Variants in FAM185A observed in about 807,000 individuals in gnomAD.
FAM185A encodes family with sequence similarity 185 member A.
In FAM185A, 21 loss-of-function variants were observed where a neutral mutation model predicts 45.7. The observed-to-expected ratio is 0.46, with a 90% CI of 0.33 to 0.66. The LOEUF is 0.66. FAM185A is among the 30% of genes least tolerant of loss of function. FAM185A has a pLI of 0.03. For synonymous variants in FAM185A, 117 were observed against 194.0 expected (o/e 0.60, Z 3.30); for missense variants, 305 against 485.4 (o/e 0.63, Z 3.49).
chr7:102,787,411 A>C lies in FAM185A; in HGVS notation c.1008A>C (p.Ser336=). Reference sequence around the variant, plus strand: ...CAGGGAAAGAGGTTGATGTGAACTCAGAAGTCCATGTTCAGGAAATGGCTG... The same window carrying C: ...CAGGGAAAGAGGTTGATGTGAACTCCGAAGTCCATGTTCAGGAAATGGCTG... The part of the protein sequence containing the change: ...QLSGKEVDVN[S]EVHVQEMAEV... Residue 336 remains serine, a synonymous_variant, in exon 7 of 8, where the codon TCA becomes TCC. Transcript: ENST00000413034. 6.5e-7 allele frequency: 1 copy of C among 1,537,040 alleles called. No homozygotes were observed. Among genetic ancestry groups the C allele is most frequent in the Non-Finnish European group, 8.8e-7 (1 of 1,136,384 alleles).
intron 2 of FAM185A, chr7:102,755,367 G>T: frequency 1.7e-6 from 1 of 586,294 alleles, no homozygotes; most frequent in Admixed American, 3.0e-5. Context: ...ATAAGCAGCT[G>T]AAAGTGCCTC....
chr7:102,835,702 C>T, the FAM185A span, among the ~76,000 whole-genome samples: 4 of 137,524 alleles, frequency 2.9e-5, no homozygotes, highest in East Asian at 2.2e-4. Flanking sequence ...CTCCGCCTCC[C>T]GGGTTCACGC....
At chr7:102,758,427 C>CTTTTT (rs869220298) in intron 3 of FAM185A, among the ~76,000 whole-genome samples, 1 of 45,898 alleles carries the variant, frequency 2.2e-5, no homozygotes, top group African/African-American at 7.1e-5. Flanking sequence ...GCTCTCACAG[C>CTTTTT]TTTTTTTTTT....
chr7:102,833,941 T>C, the FAM185A span, among the ~76,000 whole-genome samples: 2 of 150,326 alleles, frequency 1.3e-5, no homozygotes, highest in Admixed American at 6.7e-5. Flanking sequence ...TCAGCAGTTA[T>C]ACAAGAACAA....
intron 5 of FAM185A, among the ~76,000 whole-genome samples, chr7:102,776,518 C>T (rs1795067505): frequency 6.6e-6 from 1 of 151,908 alleles, no homozygotes; most frequent in African/African-American, 2.4e-5. Context: ...CTGTTCAATT[C>T]CAGAAACTTG....
the FAM185A span, among the ~76,000 whole-genome samples, chr7:102,825,452 C>T: frequency 6.6e-6 from 1 of 152,164 alleles, no homozygotes; most frequent in Non-Finnish European, 1.5e-5. Context: ...AGAAGGTTCT[C>T]CACCAAATGC....
At chr7:102,847,608 C>T in the FAM185A span, among the ~76,000 whole-genome samples, 2 of 151,420 alleles carry the variant, frequency 1.3e-5, no homozygotes, top group African/African-American at 4.9e-5. Context: ...CTCACTGCAA[C>T]CTCTGCCTCC....
intron 7 of FAM185A, among the ~76,000 whole-genome samples, chr7:102,790,058 C>A (rs1796054847): frequency 6.6e-6 from 1 of 151,994 alleles, no homozygotes; most frequent in Non-Finnish European, 1.5e-5. Flanking sequence ...GAAGGACTTA[C>A]CTGAGGCTGT....
intron 6 of FAM185A, among the ~76,000 whole-genome samples, chr7:102,786,564 A>T (rs1795809024): frequency 6.6e-6 from 1 of 152,206 alleles, no homozygotes; most frequent in African/African-American, 2.4e-5. Context: ...CATTCTCAGC[A>T]AACTATCGCA....
At chr7:102,843,199 T>TG in the FAM185A span, among the ~76,000 whole-genome samples, 1 of 152,226 alleles carries the variant, frequency 6.6e-6, no homozygotes, top group Non-Finnish European at 1.5e-5. Flanking sequence ...ACCCCAACAC[T>TG]TTGGGAGGCT....
At chr7:102,824,727 C>A in the FAM185A span, among the ~76,000 whole-genome samples, 2 of 151,636 alleles carry the variant, frequency 1.3e-5, no homozygotes, top group African/African-American at 4.8e-5. Flanking sequence ...CTCAAGTGAT[C>A]CGCTCACCTT....
intron 7 of FAM185A, among the ~76,000 whole-genome samples, chr7:102,798,989 C>T (rs1264251704): frequency 6.6e-6 from 1 of 152,216 alleles, no homozygotes; most frequent in African/African-American, 2.4e-5. Flanking sequence ...GTCAGGTGAT[C>T]CGCCCGCCCT....
chr7:102,787,513 C>T, intron 7 of FAM185A, 44 bp downstream of exon 7: 11 of 1,375,506 alleles, frequency 8.0e-6, no homozygotes, highest in Non-Finnish European at 1.0e-5. Context: ...TAGCCATTCT[C>T]CATACATAAG....
At chr7:102,765,305 T>G (rs1309082826) in intron 4 of FAM185A, among the ~76,000 whole-genome samples, 1 of 152,198 alleles carries the variant, frequency 6.6e-6, no homozygotes, top group African/African-American at 2.4e-5. Context: ...ACATTTATCG[T>G]GCTTTATGAC....
chr7:102,773,034 G>A (rs1237986713), intron 5 of FAM185A, among the ~76,000 whole-genome samples: 2 of 150,974 alleles, frequency 1.3e-5, no homozygotes, highest in Non-Finnish European at 3.0e-5. Flanking sequence ...ATAAGAAAGG[G>A]TAACTGAATA....
intron 2 of FAM185A, among the ~76,000 whole-genome samples, chr7:102,752,290 T>TG (rs981112473): frequency 4.6e-5 from 7 of 151,304 alleles, no homozygotes; most frequent in African/African-American, 1.5e-4. Flanking sequence ...TTTTTTTTTT[T>TG]GAGATGGAGT....
chr7:102,812,647 A>G (rs1797493398), downstream of FAM185A, among the ~76,000 whole-genome samples: 1 of 152,170 alleles, frequency 6.6e-6, no homozygotes, highest in Non-Finnish European at 1.5e-5. Context: ...CCCCTGGCTC[A>G]AACTCTTAGT....
At chr7:102,761,083 G>A (rs1027026720) in intron 3 of FAM185A, among the ~76,000 whole-genome samples, 190 bp from the exon 4 acceptor site, 2 of 152,146 alleles carry the variant, frequency 1.3e-5, no homozygotes, top group African/African-American at 2.4e-5. Flanking sequence ...TATTGGATCT[G>A]TTCCATATTC....
the FAM185A span, among the ~76,000 whole-genome samples, chr7:102,834,102 G>GAAAGA: frequency 2.0e-5 from 2 of 101,992 alleles, no homozygotes; most frequent in South Asian, 7.0e-4. Context: ...AAGAAAGAAA[G>GAAAGA]AAAGAAAGAA....
Sources: allele counts gnomAD v4.1 joint callset (sites outside exome capture counted in the v4.1 genomes callset), GRCh38; gene constraint gnomAD v4.1.1; transcripts MANE v1.5; gene names NCBI Gene and HGNC (gene_info 2026-07-23, HGNC 2026-07-21).